The following LRRC49 variants were observed in gnomAD, a reference collection of about 807,000 sequenced individuals.
LRRC49 encodes the protein leucine-rich repeat-containing protein 49.
A neutral mutation model predicts 83.3 loss-of-function variants in LRRC49; 50 were observed. The ratio of observed to expected loss-of-function variants is 0.60; its 90% CI spans 0.48 to 0.76. LRRC49 has a LOEUF of 0.76. Ranked by LOEUF, LRRC49 falls within the 30% of genes least tolerant of loss-of-function variation. The pLI, the probability that LRRC49 is intolerant of heterozygous loss-of-function variation, is 0.00. For synonymous variants in LRRC49, 286 were observed against 283.3 expected, an observed-to-expected ratio of 1.01 and a Z score of -0.10; for missense variants, 704 against 809.1, an observed-to-expected ratio of 0.87 and a Z score of 1.58.
intron 8 of LRRC49, among the ~76,000 whole-genome samples, chr15:70,963,119 G>A (rs751603804): frequency 4.0e-5 from 6 of 151,544 alleles, no homozygotes; most frequent in Non-Finnish European, 7.4e-5. Context: ...AAAATAAAAA[G>A]TAAAACATTA....
intron 2 of LRRC49, chr15:70,881,605 T>C (rs536307934): frequency 6.6e-6 from 1 of 152,340 alleles, no homozygotes; most frequent in South Asian, 2.1e-4. Flanking sequence ...AAATTTTTCC[T>C]GGTGAATGGC....
chr15:70,854,123 C>G, intron 1 of LRRC49: 8 of 1,222,804 alleles, frequency 6.5e-6, no homozygotes, highest in Non-Finnish European at 7.2e-6. Flanking sequence ...GGGGTCCTCA[C>G]GCCGCAAGGC....
upstream of LRRC49, among the ~76,000 whole-genome samples, chr15:70,891,550 CT>C (rs1383829726): frequency 2.7e-5 from 4 of 148,828 alleles, no homozygotes; most frequent in African/African-American, 9.9e-5. Flanking sequence ...CAACTCACTA[CT>C]CTGCAGGACA....
At chr15:70,865,850 G>T (rs1273012696) in intron 1 of LRRC49, among the ~76,000 whole-genome samples, 1 of 152,144 alleles carries the variant, frequency 6.6e-6, no homozygotes, top group African/African-American at 2.4e-5. Flanking sequence ...AAGGAGGTAT[G>T]GACTTGGATA....
intron 1 of LRRC49, among the ~76,000 whole-genome samples, chr15:70,871,298 G>T (rs576527415): frequency 1.2e-4 from 18 of 152,276 alleles, no homozygotes; most frequent in African/African-American, 4.1e-4. Context: ...AGCATCCCAA[G>T]GCAGAAGAAT....
chr15:70,901,006 A>G lies in LRRC49; in HGVS notation c.278A>G (p.Asp93Gly). 1 of 1,607,804 alleles carries G rather than the reference A, an allele frequency of 6.2e-7. No homozygotes were observed. The highest frequency in any genetic ancestry group is 1.1e-5 in the South Asian group (1 of 90,314). Residue 93 changes from aspartate to glycine, a missense_variant, in exon 4 of 16, where the codon GAC becomes GGC. By Grantham distance (94) the Asp-to-Gly change is moderately conservative. Coordinates refer to ENST00000260382, the MANE Select transcript of LRRC49 (RefSeq NM_017691.5). ...RSSEEKILYS[D>G]RLSLERQKLT... is the part of the protein sequence containing the mutation. ...TCTGAAGAGAAAATTCTTTACTCAGACAGGTTGAGCCTAGAAAGGTGAGGA... is the reference window on the plus strand; with the variant it reads ...TCTGAAGAGAAAATTCTTTACTCAGGCAGGTTGAGCCTAGAAAGGTGAGGA...
At chr15:70,903,140 A>G (rs1335194975) in intron 4 of LRRC49, among the ~76,000 whole-genome samples, 1 of 152,170 alleles carries the variant, frequency 6.6e-6, no homozygotes. Context: ...AGAGAAAAAG[A>G]AAAAGACTGA....
intron 15 of LRRC49, among the ~76,000 whole-genome samples, chr15:71,045,015 C>T (rs929645887): frequency 3.3e-5 from 5 of 150,222 alleles, no homozygotes; most frequent in South Asian, 2.1e-4. Flanking sequence ...CTCAGCCTCT[C>T]GAGTAGCTGG....
chr15:71,029,391 G>A (rs1281793940), intron 14 of LRRC49, among the ~76,000 whole-genome samples: 1 of 152,172 alleles, frequency 6.6e-6, no homozygotes, highest in African/African-American at 2.4e-5. Flanking sequence ...GTGAGAGACT[G>A]TTATGGTTTC....
At chr15:70,896,045 T>G in intron 3 of LRRC49, 109 bp downstream of exon 3, 5 of 664,382 alleles carry the variant, frequency 7.5e-6, no homozygotes, top group Non-Finnish European at 9.7e-6. Flanking sequence ...TAAAATGAAA[T>G]TGTTCATTGG....
At chr15:70,896,303 A>C (rs942200140) in intron 3 of LRRC49, among the ~76,000 whole-genome samples, 1 of 152,144 alleles carries the variant, frequency 6.6e-6, no homozygotes, top group Non-Finnish European at 1.5e-5. Context: ...TAGAGAAGAA[A>C]CAATCTTTCC....
intron 7 of LRRC49, among the ~76,000 whole-genome samples, chr15:70,935,719 A>G (rs2035570075): frequency 1.3e-5 from 2 of 152,218 alleles, no homozygotes; most frequent in South Asian, 4.1e-4. Context: ...TACTGCCCTT[A>G]AAAACGAAAA....
At chr15:70,956,120 A>G (rs2036392200) in intron 8 of LRRC49, among the ~76,000 whole-genome samples, 1 of 152,218 alleles carries the variant, frequency 6.6e-6, no homozygotes, top group Non-Finnish European at 1.5e-5. Context: ...TAGGGGAGGA[A>G]AATTTCTAAT....
At chr15:70,985,257 G>A (rs1567083883) in intron 11 of LRRC49, among the ~76,000 whole-genome samples, 1 of 150,636 alleles carries the variant, frequency 6.6e-6, no homozygotes, top group Non-Finnish European at 1.5e-5. Context: ...CAGTGTAAAA[G>A]TGTTCCTATT....
chr15:70,966,071 G>A (rs1234873985), intron 9 of LRRC49, among the ~76,000 whole-genome samples: 1 of 152,058 alleles, frequency 6.6e-6, no homozygotes, highest in South Asian at 2.1e-4. Flanking sequence ...GATACTATGT[G>A]GCCTACAAGC....
chr15:70,873,325 G>T, intron 2 of LRRC49: 1 of 1,270,706 alleles, frequency 7.9e-7, no homozygotes, highest in South Asian at 1.3e-5. Context: ...ACTAACTAAA[G>T]CTATTATACA....
chr15:70,974,395 C>T (rs1183697881), intron 9 of LRRC49, among the ~76,000 whole-genome samples: 3 of 152,164 alleles, frequency 2.0e-5, no homozygotes, highest in Admixed American at 6.6e-5. Flanking sequence ...AGTATACTTA[C>T]AGAACATGAA....
chr15:71,039,655 T>C (rs1433314530), intron 15 of LRRC49, among the ~76,000 whole-genome samples: 1 of 152,204 alleles, frequency 6.6e-6, no homozygotes, highest in Non-Finnish European at 1.5e-5. Flanking sequence ...GAAAAGTCTG[T>C]ACAGATGTGT....
intron 11 of LRRC49, chr15:70,984,582 C>A: frequency 5.9e-6 from 1 of 168,190 alleles, no homozygotes. Flanking sequence ...CACTGTCTGT[C>A]TTTCAGTTCA....
Sources: allele counts gnomAD v4.1 joint callset (sites outside exome capture counted in the v4.1 genomes callset), GRCh38; gene constraint gnomAD v4.1.1; transcripts MANE v1.5; gene names NCBI Gene and HGNC (gene_info 2026-07-23, HGNC 2026-07-21).